The following STX2 variants were observed in gnomAD, a reference collection of about 807,000 sequenced individuals.
STX2 encodes syntaxin 2.
STX2 carries 27 observed loss-of-function variants against 40.6 expected under a neutral mutation model. The observed-to-expected ratio is 0.66, with a 90% CI of 0.49 to 0.92. STX2 has a LOEUF of 0.92. Among genes scored for constraint, STX2 ranks in the 40% least tolerant of loss-of-function variants. The pLI is 0.00. For missense variants in STX2, 328 were observed against 366.1 expected (o/e 0.90, Z 0.85); for synonymous variants, 123 against 119.1 (o/e 1.03, Z -0.22).
intron 3 of STX2, among the ~76,000 whole-genome samples, chr12:130,814,958 G>A (rs1469039778): frequency 6.6e-6 from 1 of 152,144 alleles, no homozygotes; most frequent in East Asian, 1.9e-4. Context: ...TTTAAGCAAG[G>A]CACAGTGGCG....
At chr12:130,803,113 G>A (rs1951291775) in intron 6 of STX2, among the ~76,000 whole-genome samples, 1 of 152,224 alleles carries the variant, frequency 6.6e-6, no homozygotes, top group Non-Finnish European at 1.5e-5. Context: ...TAAAGTTGTT[G>A]AGATGTCATT....
Position 130,808,614 on chromosome 12 carries a change from C to A in STX2, c.354+17G>T. 6.2e-7 allele frequency: 1 copy of A among 1,608,466 alleles called. No homozygotes were observed. Among genetic ancestry groups the A allele is most frequent in the Non-Finnish European group, 8.5e-7 (1 of 1,177,900 alleles). On this transcript the variant is annotated intron_variant, in intron 5 of 10. Transcript: ENST00000392373. ...TTCTGCGACATTACTTTAATCTAAA[C>A]GAGGCTGATAGCAAACCTGGGTTCT...
chr12:130,833,641 C>T (rs1952655989), intron 1 of STX2, among the ~76,000 whole-genome samples: 1 of 152,150 alleles, frequency 6.6e-6, no homozygotes, highest in South Asian at 2.1e-4. Flanking sequence ...GAACTCCTGA[C>T]CTCAAGTGAT....
chr12:130,829,584 G>A (rs1952479118), intron 1 of STX2, among the ~76,000 whole-genome samples: 1 of 152,176 alleles, frequency 6.6e-6, no homozygotes, highest in Non-Finnish European at 1.5e-5. Flanking sequence ...CTCTTAGAAA[G>A]AGGATCTACT....
chr12:130,812,717 C>T, intron 4 of STX2: 1 of 389,388 alleles, frequency 2.6e-6, no homozygotes, highest in South Asian at 3.8e-5. Flanking sequence ...ACTCACCTTC[C>T]CAAACATCTG....
chr12:130,793,262 GCA>G (rs1267230488), intron 10 of STX2, among the ~76,000 whole-genome samples: 2 of 152,112 alleles, frequency 1.3e-5, no homozygotes, highest in African/African-American at 4.8e-5. Flanking sequence ...TTAACATCAC[GCA>G]CATTTCCTGC....
Position 130,791,525 on chromosome 12 carries a change from CA to C in STX2, c.*497del, listed in dbSNP as rs879059651. 8,505 of 72,206 alleles carry C rather than the reference CA, an allele frequency of 0.12. 589 individuals are homozygous for C. The highest frequency in any genetic ancestry group is 0.3 in the African/African-American group (7,093 of 23,852). The allele number at this position is 72,206 out of a possible 1,614,324, so 4.5% of individuals were successfully genotyped here. ...TGGATGACAAAGCGAGACTCCGTCT[CA>C]AAAAAAAAAAAAAAAGCCTTCATAA... is the stretch of plus-strand genomic sequence containing the variant. On this transcript the variant is annotated 3_prime_UTR_variant, in exon 11 of 11. Coordinates refer to ENST00000392373, the MANE Select transcript of STX2 (RefSeq NM_194356.4).
rs568456368 is a variant in STX2 at position 130,790,964 on chromosome 12, A to G, written c.*1059T>C. The G allele has an allele frequency of 6.5e-6, 1 of 152,748 alleles. No individual in the cohort carries two copies. Among genetic ancestry groups the G allele is most frequent in the African/African-American group, 2.4e-5 (1 of 41,592 alleles). 9.5% of individuals were successfully genotyped at this position (152,748 alleles called of 1,614,324 possible). A position where few individuals can be genotyped will look rare whatever the true frequency, so the allele number is the denominator to read the frequency against. ...GCCAATGTTTTCCGTGACAATGGGAAACTTTAAACAACTGTACAAAGGTGG... is the reference window on the plus strand; with the variant it reads ...GCCAATGTTTTCCGTGACAATGGGAGACTTTAAACAACTGTACAAAGGTGG... On this transcript the variant is annotated 3_prime_UTR_variant, in exon 11 of 11. Transcript: ENST00000392373.
intron 2 of STX2, among the ~76,000 whole-genome samples, chr12:130,825,025 A>G (rs1952248160): frequency 6.6e-6 from 1 of 151,538 alleles, no homozygotes; most frequent in Non-Finnish European, 1.5e-5. Flanking sequence ...GAATTGCACA[A>G]TGTAACTTTT....
rs555276525 is a variant in STX2, at chr12:130,792,111, T to C, written c.*46-134A>G. On this transcript the variant is annotated intron_variant, in intron 10 of 10. Transcript: ENST00000392373. ...ATCAAGAAAGGACTCCTCCATGTCA[T>C]AGAAAAGAATGTGATCTTGGCTCAC... 7.3e-5 allele frequency: 41 copies of C among 559,224 alleles called. 1 individual carries two copies. The highest frequency in any genetic ancestry group is 6.0e-4 in the African/African-American group (31 of 51,492). The allele number at this position is 559,224 out of a possible 1,614,324, so 34.6% of individuals were successfully genotyped here. A position where few individuals can be genotyped will look rare whatever the true frequency, so the allele number is the denominator to read the frequency against.
intron 8 of STX2, among the ~76,000 whole-genome samples, chr12:130,799,403 T>C (rs1298917378): frequency 6.6e-6 from 1 of 152,208 alleles, no homozygotes; most frequent in Non-Finnish European, 1.5e-5. Flanking sequence ...GCATTTGGTA[T>C]AGAGCAATTA....
chr12:130,818,186 AT>A (rs1177267202), intron 3 of STX2, among the ~76,000 whole-genome samples: 2,049 of 62,178 alleles, frequency 0.033, 97 homozygotes, highest in African/African-American at 0.042. Context: ...AAAAAAAAAA[AT>A]ATATATATAT....
At position 130,789,864 on chromosome 12, in the gene STX2, C is replaced by T. The variant is rs1453776266; in HGVS notation, c.*2159G>A. On this transcript the variant is annotated 3_prime_UTR_variant, in exon 11 of 11. Transcript: ENST00000392373. ...AAATATCTAAATACAAATCAAATAG[C>T]ATTTTCCTAACTTCAACTATAAAAA... The T allele has an allele frequency of 6.6e-6, 1 of 152,352 alleles. No homozygotes were observed. The highest frequency in any genetic ancestry group is 2.4e-5 in the African/African-American group (1 of 41,446). 9.4% of individuals were successfully genotyped at this position (152,352 alleles called of 1,614,324 possible).
intron 6 of STX2, among the ~76,000 whole-genome samples, chr12:130,802,703 T>TCA (rs1043274282): frequency 1.3e-5 from 2 of 152,102 alleles, no homozygotes; most frequent in Non-Finnish European, 2.9e-5. Flanking sequence ...TGCTATGTTG[T>TCA]CAAGCTGGTC....
chr12:130,813,436 C>T (rs1009313188), intron 3 of STX2, among the ~76,000 whole-genome samples: 1 of 152,230 alleles, frequency 6.6e-6, no homozygotes, highest in Non-Finnish European at 1.5e-5. Context: ...ACGATGATCT[C>T]AACAAAGTCT....
intron 4 of STX2, 139 bp from the exon 5 acceptor site, chr12:130,808,843 A>C (rs1951539305): frequency 1.4e-6 from 1 of 725,104 alleles, no homozygotes; most frequent in African/African-American, 1.8e-5. Context: ...CTTCTAAAAC[A>C]ATCTACTAAA....
chr12:130,818,185 A>AATATATATATAT lies in STX2; in HGVS notation c.205+3492_205+3503dup, dbSNP rs1168152790. On this transcript the variant is annotated intron_variant, in intron 3 of 10. Transcript: ENST00000392373. ...GCTGTTTCTACAAAAAAAAAAAAAA[A>AATATATATATAT]ATATATATATATATATATATATATA... is the stretch of plus-strand genomic sequence containing the variant. Among the ~76,000 whole-genome samples the AATATATATATAT allele has an allele frequency of 1.8e-3, 124 of 70,468 alleles. 5 individuals carry two copies. Among genetic ancestry groups the AATATATATATAT allele is most frequent in the Middle Eastern group, 8.5e-3 (1 of 118 alleles). 46.2% of individuals were successfully genotyped at this position (70,468 alleles called of 152,430 possible). A position where few individuals can be genotyped will look rare whatever the true frequency, so the allele number is the denominator to read the frequency against.
At chr12:130,820,102 A>G (rs1952054324) in intron 3 of STX2, among the ~76,000 whole-genome samples, 2 of 152,218 alleles carry the variant, frequency 1.3e-5, no homozygotes. Context: ...ACTTTCCTCC[A>G]AGACCAAGAA....
At chr12:130,808,579 A>G (rs926110904) in intron 5 of STX2, 52 bp downstream of exon 5, 19 of 1,500,598 alleles carry the variant, frequency 1.3e-5, no homozygotes, top group Non-Finnish European at 1.7e-5. Context: ...GAAGAAAGTA[A>G]AAACACTTAT....
Sources: gnomAD v4.1 joint callset for allele counts (sites outside exome capture counted in the v4.1 genomes callset) on GRCh38, gnomAD v4.1.1 for gene constraint, MANE v1.5 for transcripts, NCBI Gene and HGNC (gene_info 2026-07-23, HGNC 2026-07-21) for gene names.